The following CALHM4 variants were observed in gnomAD, a reference collection of about 807,000 sequenced individuals.
CALHM4 encodes the protein calcium homeostasis modulator protein 4.
CALHM4 carries 16 observed loss-of-function variants against 13.3 expected under a neutral mutation model. The observed-to-expected ratio is 1.20, with a 90% CI of 0.81 to 1.82. CALHM4 has a LOEUF of 1.82. Among genes scored for constraint, CALHM4 ranks in the 40% most tolerant of loss-of-function variants. The probability of loss-of-function intolerance (pLI) is 0.00; values close to 1 mark genes in which losing one functional copy is unlikely to be tolerated. For synonymous variants in CALHM4, 127 were observed against 137.1 expected (o/e 0.93, Z 0.52); for missense variants, 344 against 374.9 (o/e 0.92, Z 0.68).
upstream of CALHM4, among the ~76,000 whole-genome samples, chr6:116,551,096 C>T (rs185885714): frequency 1.6e-4 from 25 of 152,312 alleles, no homozygotes; most frequent in African/African-American, 6.0e-4. Flanking sequence ...CCACAGAGTG[C>T]CCAATAAAGG....
At chr6:116,551,730 T>C (rs1384144984), upstream of CALHM4, among the ~76,000 whole-genome samples, 2 of 152,206 alleles carry the variant, frequency 1.3e-5, no homozygotes, top group South Asian at 2.1e-4. Flanking sequence ...TGTAGGTAAC[T>C]AGGAGACACA....
upstream of CALHM4, among the ~76,000 whole-genome samples, chr6:116,552,538 TTGTC>T (rs1287301213): frequency 2.0e-5 from 3 of 152,216 alleles, no homozygotes; most frequent in Non-Finnish European, 2.9e-5. Context: ...TTTTATTTCT[TTGTC>T]TGTACTGCAT....
intron 1 of CALHM4, among the ~76,000 whole-genome samples, chr6:116,535,641 A>G (rs926998536): frequency 2.6e-5 from 4 of 152,244 alleles, no homozygotes; most frequent in Admixed American, 6.5e-5. Context: ...ACAGAAAGAC[A>G]TATAGGTCTG....
In CALHM4 at chr6:116,540,482, T is replaced by C. The variant is rs140183514; in HGVS notation, c.-108-3283T>C. Reference sequence around the variant, plus strand: ...TAACCCCTGTGGATGACGGAAAGAGTGTGGTCTGAAAATTCTAAGAAATTA... The same window carrying C: ...TAACCCCTGTGGATGACGGAAAGAGCGTGGTCTGAAAATTCTAAGAAATTA... On this transcript the variant is annotated intron_variant, in intron 1 of 2. Coordinates refer to the CALHM4 transcript ENST00000368597. 2.1e-4 allele frequency: 327 copies of C among 1,547,484 alleles called. No individual in the cohort carries two copies. The African/African-American group carries it at 4.2e-3, about 20-fold the overall frequency.
intron 2 of CALHM4, among the ~76,000 whole-genome samples, chr6:116,547,309 G>A (rs531595832): frequency 5.3e-5 from 8 of 152,206 alleles, no homozygotes; most frequent in East Asian, 3.9e-4. Context: ...AGGTGATGGC[G>A]GTACTGGAAT....
At chr6:116,535,909 T>C (rs1282570338) in intron 1 of CALHM4, among the ~76,000 whole-genome samples, 2 of 152,226 alleles carry the variant, frequency 1.3e-5, no homozygotes, top group Non-Finnish European at 2.9e-5. Flanking sequence ...TAAGTCTCAA[T>C]TATTCTATCA....
chr6:116,551,497 A>G (rs1774077297), upstream of CALHM4, among the ~76,000 whole-genome samples: 2 of 152,136 alleles, frequency 1.3e-5, no homozygotes, highest in African/African-American at 4.8e-5. Context: ...AATATATATC[A>G]GGTTGGTGCA....
chr6:116,533,139 G>A lies in CALHM4; in HGVS notation c.-109+3949G>A, dbSNP rs115106559. On this transcript the variant is annotated intron_variant, in intron 1 of 2. Transcript: ENST00000368597. Reference sequence around the variant, plus strand: ...CCACGGAAGAAAGTATAAATTATTGGCGGGTGATATTCTGGAGTTCTTGGC... The same window carrying A: ...CCACGGAAGAAAGTATAAATTATTGACGGGTGATATTCTGGAGTTCTTGGC... 4.2e-3 allele frequency among the ~76,000 whole-genome samples: 636 copies of A among 152,204 alleles called. 5 individuals are homozygous for A. Among genetic ancestry groups the A allele is most frequent in the African/African-American group, 0.014 (596 of 41,532 alleles).
At chr6:116,552,090 TC>T (rs1367282199), upstream of CALHM4, among the ~76,000 whole-genome samples, 1 of 152,198 alleles carries the variant, frequency 6.6e-6, no homozygotes, top group Non-Finnish European at 1.5e-5. Context: ...CCTTTAGTAA[TC>T]CTCCTAATGA....
intron 2 of CALHM4, among the ~76,000 whole-genome samples, chr6:116,548,623 C>T (rs1773913660): frequency 6.6e-6 from 1 of 152,202 alleles, no homozygotes; most frequent in Admixed American, 6.5e-5. Flanking sequence ...TTCCCCACTT[C>T]CTCACTCCCC....
chr6:116,550,272 G>A (rs1687361182), upstream of CALHM4, among the ~76,000 whole-genome samples: 2 of 151,788 alleles, frequency 1.3e-5, no homozygotes, highest in African/African-American at 2.4e-5. Flanking sequence ...AGTGTCACTC[G>A]TAAGCAGCAT....
At chr6:116,529,297 C>CA (rs1772552283) in intron 1 of CALHM4, 1 of 152,190 alleles carries the variant, frequency 6.6e-6, no homozygotes, top group Non-Finnish European at 1.5e-5. Flanking sequence ...GAGGCATGTA[C>CA]AATAACAGCT....
chr6:116,548,125 G>A (rs1248319303), intron 2 of CALHM4, among the ~76,000 whole-genome samples: 2 of 152,182 alleles, frequency 1.3e-5, no homozygotes, highest in Non-Finnish European at 2.9e-5. Context: ...TTGGGGAAGC[G>A]ATTAGGTCAT....
upstream of CALHM4, among the ~76,000 whole-genome samples, chr6:116,548,929 A>G (rs1320067813): frequency 6.6e-6 from 1 of 152,192 alleles, no homozygotes; most frequent in Non-Finnish European, 1.5e-5. Flanking sequence ...TATTGCCTTC[A>G]CACAATTGTA....
At chr6:116,550,668 C>T (rs1301527240), upstream of CALHM4, among the ~76,000 whole-genome samples, 1 of 152,088 alleles carries the variant, frequency 6.6e-6, no homozygotes, top group Non-Finnish European at 1.5e-5. Context: ...TTTACTCTCT[C>T]CTTTCCTGTC....
intron 1 of CALHM4, among the ~76,000 whole-genome samples, chr6:116,532,949 G>A (rs1272801681): frequency 6.6e-6 from 1 of 152,072 alleles, no homozygotes; most frequent in African/African-American, 2.4e-5. Flanking sequence ...TCTCCCTTTG[G>A]CACAGAAAGA....
intron 1 of CALHM4, among the ~76,000 whole-genome samples, chr6:116,529,872 A>G (rs1772590491): frequency 6.6e-6 from 1 of 152,194 alleles, no homozygotes; most frequent in African/African-American, 2.4e-5. Flanking sequence ...CCATAAAGTA[A>G]GTTGTGTGTA....
intron 1 of CALHM4, among the ~76,000 whole-genome samples, 168 bp downstream of exon 1, chr6:116,554,519 T>C (rs1393387883): frequency 1.3e-5 from 2 of 152,132 alleles, no homozygotes; most frequent in African/African-American, 4.8e-5. Context: ...AGTTAGGATG[T>C]TGGGCTTTGG....
At chr6:116,535,350 A>C (rs1773009871) in intron 1 of CALHM4, among the ~76,000 whole-genome samples, 1 of 152,216 alleles carries the variant, frequency 6.6e-6, no homozygotes, top group Non-Finnish European at 1.5e-5. Flanking sequence ...TACATTGGAC[A>C]TGGTTAGGCC....
Sources: gnomAD v4.1 joint callset for allele counts (sites outside exome capture counted in the v4.1 genomes callset) on GRCh38, gnomAD v4.1.1 for gene constraint, MANE v1.5 for transcripts, NCBI Gene and HGNC (gene_info 2026-07-23, HGNC 2026-07-21) for gene names.